The following SLC5A11 variants were observed in gnomAD, a reference collection of about 807,000 sequenced individuals.
The protein encoded by SLC5A11 is sodium/myo-inositol cotransporter 2.
Under a neutral mutation model 69.8 loss-of-function variants are expected in SLC5A11, and 48 were observed. The observed-to-expected ratio is 0.69, with a 90% CI of 0.55 to 0.87. The LOEUF (loss-of-function observed/expected upper bound fraction) is 0.87, where lower values mean the gene tolerates loss of function less well. SLC5A11 is among the 40% of genes least tolerant of loss of function. The pLI is 0.00. For synonymous variants in SLC5A11, 319 were observed against 342.4 expected (o/e 0.93, Z 0.75); for missense variants, 784 against 866.1 (o/e 0.91, Z 1.19).
At chr16:24,849,593 A>AAAAAAAAAAAAATATATATATATAT in intron 1 of SLC5A11, among the ~76,000 whole-genome samples, 2 of 35,898 alleles carry the variant, frequency 5.6e-5, no homozygotes, top group Non-Finnish European at 1.1e-4. Context: ...AAAAAAAAAA[A>AAAAAAAAAAAAATATATATATATAT]ATATATATAT....
intron 10 of SLC5A11, among the ~76,000 whole-genome samples, chr16:24,899,170 T>G (rs2049401933): frequency 6.6e-6 from 1 of 152,182 alleles, no homozygotes; most frequent in Admixed American, 6.5e-5. Context: ...AGGCATCTAG[T>G]GACTCTATGC....
chr16:24,878,380 C>T (rs776758217), intron 7 of SLC5A11, among the ~76,000 whole-genome samples: 15 of 152,160 alleles, frequency 9.9e-5, no homozygotes, highest in Non-Finnish European at 2.1e-4. Flanking sequence ...GTGCCTGGCA[C>T]GCAGTAGGGC....
intron 2 of SLC5A11, among the ~76,000 whole-genome samples, chr16:24,861,658 GAAAA>G (rs1323833968): frequency 4.5e-5 from 6 of 132,280 alleles, no homozygotes; most frequent in Non-Finnish European, 6.3e-5. Context: ...GAAGAAGAAA[GAAAA>G]AGAAAGAAAG....
intron 7 of SLC5A11, among the ~76,000 whole-genome samples, chr16:24,877,799 C>T (rs1460391908): frequency 6.6e-6 from 1 of 152,238 alleles, no homozygotes; most frequent in Non-Finnish European, 1.5e-5. Context: ...GCCTGACCAA[C>T]ATGGCAAAAC....
At chr16:24,875,232 G>A (rs926546164) in intron 5 of SLC5A11, among the ~76,000 whole-genome samples, 27 of 152,188 alleles carry the variant, frequency 1.8e-4, no homozygotes, top group African/African-American at 6.0e-4. Flanking sequence ...AGGCTAGAGT[G>A]CAATGGCATG....
intron 4 of SLC5A11, 90 bp from the exon 6 acceptor site, chr16:24,872,070 G>C: frequency 3.4e-6 from 5 of 1,480,480 alleles, no homozygotes; most frequent in Non-Finnish European, 4.7e-6. Flanking sequence ...GTGGAGTTCA[G>C]GCCAGGCTGC....
At chr16:24,861,880 A>G (rs1470785477) in intron 2 of SLC5A11, 1 of 152,244 alleles carries the variant, frequency 6.6e-6, no homozygotes, top group East Asian at 1.9e-4. Context: ...TGATTAAGTC[A>G]TAAGAACTGA....
intron 1 of SLC5A11, among the ~76,000 whole-genome samples, chr16:24,854,313 T>C (rs968334806): frequency 1.3e-5 from 2 of 152,198 alleles, no homozygotes; most frequent in African/African-American, 4.8e-5. Context: ...TTGAAGTGTT[T>C]GAAAACACAG....
chr16:24,893,684 C>T (rs981235872), intron 9 of SLC5A11, among the ~76,000 whole-genome samples: 1 of 152,150 alleles, frequency 6.6e-6, no homozygotes, highest in Non-Finnish European at 1.5e-5. Flanking sequence ...AATTCTCATG[C>T]CTCAGCCTCC....
intron 1 of SLC5A11, among the ~76,000 whole-genome samples, chr16:24,853,838 C>A (rs2059415436): frequency 6.6e-6 from 1 of 152,208 alleles, no homozygotes; most frequent in African/African-American, 2.4e-5. Flanking sequence ...AGTGTTAGGG[C>A]CGATTCTCAG....
At chr16:24,872,386 A>C (rs1322083714) in intron 5 of SLC5A11, among the ~76,000 whole-genome samples, 167 bp downstream of exon 6, 1 of 152,092 alleles carries the variant, frequency 6.6e-6, no homozygotes, top group Non-Finnish European at 1.5e-5. Context: ...AGGTGAGACA[A>C]TGAGGAACCC....
intron 9 of SLC5A11, among the ~76,000 whole-genome samples, chr16:24,891,423 T>A (rs1339307535): frequency 6.8e-6 from 1 of 148,006 alleles, no homozygotes; most frequent in Admixed American, 6.9e-5. Context: ...CAAGAGATCC[T>A]CCCATGTCAG....
chr16:24,901,968 A>G (rs1159881018), intron 10 of SLC5A11, among the ~76,000 whole-genome samples: 2 of 137,656 alleles, frequency 1.5e-5, no homozygotes, highest in Non-Finnish European at 3.2e-5. Context: ...GCACACACAC[A>G]CACACACACA....
intron 9 of SLC5A11, 78 bp downstream of exon 10, chr16:24,891,152 C>A: frequency 5.7e-6 from 8 of 1,392,248 alleles, no homozygotes; most frequent in Non-Finnish European, 8.1e-6. Context: ...GTGCTTTTTT[C>A]TTCCTCCATC....
intron 2 of SLC5A11, among the ~76,000 whole-genome samples, chr16:24,859,869 G>A (rs1026470672): frequency 1.3e-5 from 2 of 152,152 alleles, no homozygotes; most frequent in African/African-American, 4.8e-5. Flanking sequence ...ACAAACCCTG[G>A]CCCAGCGCAG....
intron 1 of SLC5A11, among the ~76,000 whole-genome samples, chr16:24,852,013 C>T (rs1285844503): frequency 6.8e-6 from 1 of 145,996 alleles, no homozygotes; most frequent in Admixed American, 6.9e-5. Context: ...ATCTGTTTCT[C>T]CCCCGATTCC....
At chr16:24,871,022 G>T (rs2047264823) in intron 4 of SLC5A11, among the ~76,000 whole-genome samples, 1 of 152,048 alleles carries the variant, frequency 6.6e-6, no homozygotes, top group African/African-American at 2.4e-5. Context: ...GATTTTTACT[G>T]GGGTCAGGGC....
intron 3 of SLC5A11, 135 bp downstream of exon 4, chr16:24,862,807 T>A: frequency 1.7e-6 from 1 of 573,058 alleles, no homozygotes; most frequent in Non-Finnish European, 2.8e-6. Flanking sequence ...AGAGAAGGCT[T>A]AGCTCCAGCT....
At chr16:24,864,645 G>A (rs1381029394) in intron 3 of SLC5A11, among the ~76,000 whole-genome samples, 1 of 152,120 alleles carries the variant, frequency 6.6e-6, no homozygotes, top group East Asian at 1.9e-4. Context: ...GCAGTCAATA[G>A]AAAGTGTCCC....
Sources: allele counts gnomAD v4.1 joint callset (sites outside exome capture counted in the v4.1 genomes callset), GRCh38; gene constraint gnomAD v4.1.1; transcripts MANE v1.5; gene names NCBI Gene and HGNC (gene_info 2026-07-23, HGNC 2026-07-21).